LCLAT1: variants seen among roughly 807,000 people sequenced by gnomAD.
The protein encoded by LCLAT1 is lysocardiolipin acyltransferase 1.
Under a neutral mutation model 30.7 loss-of-function variants are expected in LCLAT1, and 11 were observed. The observed-to-expected ratio is 0.36, with a 90% confidence interval of 0.23 to 0.59. LCLAT1 has a LOEUF of 0.59. LCLAT1 is among the 20% of genes least tolerant of loss of function. LCLAT1 has a pLI of 0.77. For synonymous variants in LCLAT1, 155 were observed against 151.3 expected, an observed-to-expected ratio of 1.02 and a Z score of -0.18; for missense variants, 402 against 458.6, an observed-to-expected ratio of 0.88 and a Z score of 1.13.
chr2:30,570,203 A>T (rs943480676), intron 5 of LCLAT1, among the ~76,000 whole-genome samples: 1 of 152,190 alleles, frequency 6.6e-6, no homozygotes, highest in Non-Finnish European at 1.5e-5. Flanking sequence ...CAACAACCAC[A>T]GTATGTAATT....
intron 1 of LCLAT1, among the ~76,000 whole-genome samples, chr2:30,488,096 T>C (rs544094732): frequency 6.6e-6 from 1 of 152,338 alleles, no homozygotes; most frequent in African/African-American, 2.4e-5. Context: ...GCTTTAGAGG[T>C]CTTCAGCATC....
intron 1 of LCLAT1, among the ~76,000 whole-genome samples, chr2:30,479,083 T>A (rs560200153): frequency 6.6e-6 from 1 of 152,286 alleles, no homozygotes; most frequent in African/African-American, 2.4e-5. Context: ...ATGAATACAT[T>A]TTGGGATATT....
rs3816591 is a variant in LCLAT1, at chr2:30,642,110, C to G, written c.*1491C>G. The G allele has an allele frequency of 0.24, 36,779 of 152,038 alleles. 5,471 individuals carry two copies. Among genetic ancestry groups the G allele is most frequent in the East Asian group, 0.54 (2,765 of 5,154 alleles). 9.4% of individuals were successfully genotyped at this position (152,038 alleles called of 1,614,324 possible). A position where few individuals can be genotyped will look rare whatever the true frequency, so the allele number is the denominator to read the frequency against. On this transcript the variant is annotated 3_prime_UTR_variant, in exon 6 of 6. Coordinates refer to ENST00000379509, the MANE Select transcript of LCLAT1 (RefSeq NM_001002257.3). Reference sequence around the variant, plus strand: ...CTCGTTTTTGCTTGACAGTGACCTACCCAATAATTGCATCGTGCATTGCCA... The same window carrying G: ...CTCGTTTTTGCTTGACAGTGACCTAGCCAATAATTGCATCGTGCATTGCCA...
intron 5 of LCLAT1, among the ~76,000 whole-genome samples, chr2:30,620,137 AG>A (rs1668172198): frequency 6.6e-6 from 1 of 152,192 alleles, no homozygotes; most frequent in African/African-American, 2.4e-5. Flanking sequence ...AAAAAAACCT[AG>A]GGTTTTATCT....
At chr2:30,462,667 C>T (rs1032147701) in intron 1 of LCLAT1, among the ~76,000 whole-genome samples, 1 of 152,104 alleles carries the variant, frequency 6.6e-6, no homozygotes, top group Non-Finnish European at 1.5e-5. Flanking sequence ...AAGCTTTGTC[C>T]TTTGAAGCTA....
intron 5 of LCLAT1, among the ~76,000 whole-genome samples, chr2:30,634,055 C>T (rs1476238128): frequency 6.6e-6 from 1 of 152,156 alleles, no homozygotes; most frequent in Non-Finnish European, 1.5e-5. Flanking sequence ...TCAGTTATAG[C>T]CTGTAAGCTT....
At chr2:30,452,740 C>G (rs1254756230) in intron 1 of LCLAT1, among the ~76,000 whole-genome samples, 1 of 152,146 alleles carries the variant, frequency 6.6e-6, no homozygotes, top group Non-Finnish European at 1.5e-5. Context: ...CTAATGAGGA[C>G]TGCTGTAATT....
intron 5 of LCLAT1, among the ~76,000 whole-genome samples, chr2:30,633,219 A>G (rs889700432): frequency 4.6e-5 from 7 of 152,202 alleles, no homozygotes; most frequent in East Asian, 1.9e-4. Flanking sequence ...TTGAAAAACA[A>G]TGTACAAAAT....
At chr2:30,529,858 C>A (rs1421982538) in intron 2 of LCLAT1, among the ~76,000 whole-genome samples, 1 of 152,114 alleles carries the variant, frequency 6.6e-6, no homozygotes, top group African/African-American at 2.4e-5. Context: ...GAGAACCAGA[C>A]CTAATCTGAG....
At chr2:30,518,342 C>A (rs1040175830) in intron 1 of LCLAT1, among the ~76,000 whole-genome samples, 2 of 152,122 alleles carry the variant, frequency 1.3e-5, no homozygotes, top group African/African-American at 4.8e-5. Flanking sequence ...GAAAAAAACA[C>A]AATGGGTATT....
chr2:30,549,249 G>T (rs1572609392), intron 3 of LCLAT1, among the ~76,000 whole-genome samples: 1 of 152,124 alleles, frequency 6.6e-6, no homozygotes, highest in African/African-American at 2.4e-5. Flanking sequence ...AATGCAATTG[G>T]TTACCTAAAT....
chr2:30,573,300 TTA>T (rs1665862891), intron 5 of LCLAT1, among the ~76,000 whole-genome samples: 1 of 152,180 alleles, frequency 6.6e-6, no homozygotes, highest in Non-Finnish European at 1.5e-5. Flanking sequence ...GTTCCCTGAA[TTA>T]TCATACAGCT....
rs147444012 is a variant in LCLAT1 at position 30,537,820 on chromosome 2, G to A, written c.364+4506G>A. Reference sequence around the variant, plus strand: ...CGTGGAACATTCTCCAGGACAGATCGTGTGTTAGGCCACAAAACAAGTCTC... The same window carrying A: ...CGTGGAACATTCTCCAGGACAGATCATGTGTTAGGCCACAAAACAAGTCTC... On this transcript the variant is annotated intron_variant, in intron 3 of 5. Transcript: ENST00000379509. 1.2e-4 allele frequency among the ~76,000 whole-genome samples: 19 copies of A among 152,238 alleles called. No homozygotes were observed. In the South Asian group the frequency reaches 2.9e-3, roughly 23 times the overall value.
chr2:30,526,471 A>G (rs1295384159), intron 2 of LCLAT1, among the ~76,000 whole-genome samples: 1 of 151,782 alleles, frequency 6.6e-6, no homozygotes, highest in Non-Finnish European at 1.5e-5. Context: ...TGGGTTCTTT[A>G]TTGGTTCTGT....
At chr2:30,591,230 G>A (rs1308623415) in intron 5 of LCLAT1, among the ~76,000 whole-genome samples, 1 of 152,152 alleles carries the variant, frequency 6.6e-6, no homozygotes, top group Non-Finnish European at 1.5e-5. Context: ...AGAGTATAGT[G>A]ATCAACTTGC....
intron 5 of LCLAT1, among the ~76,000 whole-genome samples, chr2:30,574,520 C>T (rs1665911863): frequency 6.6e-6 from 1 of 152,176 alleles, no homozygotes; most frequent in Non-Finnish European, 1.5e-5. Context: ...CTCCACATAG[C>T]CTCATCATGG....
intron 1 of LCLAT1, among the ~76,000 whole-genome samples, 200 bp from the exon 2 acceptor site, chr2:30,525,387 A>G (rs147981068): frequency 0.015 from 2,212 of 152,196 alleles, 30 homozygotes; most frequent in Non-Finnish European, 0.021. Context: ...GAGAATATCA[A>G]TTTCTAATGT....
chr2:30,586,992 C>A (rs1051209274), intron 5 of LCLAT1, among the ~76,000 whole-genome samples: 1 of 152,150 alleles, frequency 6.6e-6, no homozygotes, highest in African/African-American at 2.4e-5. Context: ...CCCTTATTCC[C>A]TAATAACTTC....
At chr2:30,484,891 A>G (rs2148316658) in intron 1 of LCLAT1, among the ~76,000 whole-genome samples, 1 of 152,282 alleles carries the variant, frequency 6.6e-6, no homozygotes, top group South Asian at 2.1e-4. Context: ...AACTTTGCAC[A>G]TCTTTTACTA....
Sources: gnomAD v4.1 joint callset for allele counts (sites outside exome capture counted in the v4.1 genomes callset) on GRCh38, gnomAD v4.1.1 for gene constraint, MANE v1.5 for transcripts, NCBI Gene and HGNC (gene_info 2026-07-23, HGNC 2026-07-21) for gene names.